The following HTT variants were observed in gnomAD, a reference collection of about 807,000 sequenced individuals.
HTT encodes huntington disease protein.
Under a neutral mutation model 362.3 loss-of-function variants are expected in HTT, and 104 were observed. That is an observed-to-expected ratio of 0.29 (90% CI 0.24 to 0.34). The LOEUF (loss-of-function observed/expected upper bound fraction) is 0.34, where lower values mean the gene tolerates loss of function less well. HTT is among the 10% of genes least tolerant of loss of function. The pLI, the probability that HTT is intolerant of heterozygous loss-of-function variation, is 1.00. For missense variants in HTT, 3,301 were observed against 3,928.6 expected, an observed-to-expected ratio of 0.84 and a Z score of 4.27; for synonymous variants, 1,577 against 1,548.7, an observed-to-expected ratio of 1.02 and a Z score of -0.43.
intron 64 of HTT, among the ~76,000 whole-genome samples, chr4:3,237,655 C>T (rs1473676939): frequency 6.6e-6 from 1 of 152,216 alleles, no homozygotes; most frequent in Non-Finnish European, 1.5e-5. Context: ...TGCCATGCCA[C>T]TGCTGGGCGA....
intron 46 of HTT, among the ~76,000 whole-genome samples, chr4:3,209,297 C>G (rs1720022584): frequency 6.6e-6 from 1 of 152,324 alleles, no homozygotes; most frequent in South Asian, 2.1e-4. Context: ...GTTGTCAGCA[C>G]CTCCACTGCT....
Position 3,218,179 on chromosome 4 carries a change from ATC to A in HTT, c.7242+228_7242+229del, listed in dbSNP as rs1720503842. Among the ~76,000 whole-genome samples the A allele has an allele frequency of 6.6e-6, 1 of 152,224 alleles. No individual in the cohort carries two copies. The highest frequency in any genetic ancestry group is 1.5e-5 in the Non-Finnish European group (1 of 68,040). On this transcript the variant is annotated intron_variant, in intron 52 of 66. Transcript: ENST00000355072. This position sits in a 1 kb window ranked among gnomAD's most constrained non-coding sequence, Gnocchi z 4.4. ...TTTCTAAAATGAACTGAGGCCCTAC[ATC>A]CCTAAGAGATTAGTGTTAGACCTGA...
rs1475222604 is a variant in HTT, at chr4:3,140,493, C to T, written c.2799-17C>T. 2.5e-6 allele frequency: 4 copies of T among 1,613,144 alleles called. No homozygotes were observed. Among genetic ancestry groups the T allele is most frequent in the South Asian group, 1.1e-5 (1 of 90,954 alleles). ...TCATCTACTTTCTTAAGCAAATTAA[C>T]CTTACTTTTGTGTTAGGCTTGTCCC... On this transcript the variant is annotated splice_polypyrimidine_tract_variant and intron_variant, in intron 21 of 66. Transcript: ENST00000355072.
chr4:3,169,664 C>G (rs763666827), intron 29 of HTT, among the ~76,000 whole-genome samples: 1 of 152,000 alleles, frequency 6.6e-6, no homozygotes, highest in Admixed American at 6.6e-5. Flanking sequence ...ACCTCCACCT[C>G]CCAGGCTCAA....
At chr4:3,142,313 A>C (rs980032799) in intron 22 of HTT, among the ~76,000 whole-genome samples, 1 of 152,208 alleles carries the variant, frequency 6.6e-6, no homozygotes, top group Non-Finnish European at 1.5e-5. Flanking sequence ...TAATTCATTT[A>C]TAATTTATTT....
intron 2 of HTT, among the ~76,000 whole-genome samples, chr4:3,087,311 A>G (rs912087492): frequency 2.0e-5 from 3 of 152,340 alleles, no homozygotes; most frequent in Admixed American, 2.0e-4. Flanking sequence ...TTATTTTAAA[A>G]CCATCTATGG....
chr4:3,134,363 T>C (rs1178093791), intron 18 of HTT, 38 bp from the exon 19 acceptor site: 6 of 1,598,200 alleles, frequency 3.8e-6, no homozygotes, highest in Non-Finnish European at 4.3e-6. Context: ...TGAGTGGGAC[T>C]AACCTGCTGT....
At chr4:3,122,349 G>A (rs746477033) in intron 9 of HTT, among the ~76,000 whole-genome samples, 4 of 152,244 alleles carry the variant, frequency 2.6e-5, no homozygotes, top group South Asian at 2.1e-4. Context: ...CCACTGCAAC[G>A]TGGTCGGTGT....
intron 28 of HTT, among the ~76,000 whole-genome samples, chr4:3,159,873 A>G (rs775428143): frequency 2.0e-5 from 3 of 152,156 alleles, no homozygotes; most frequent in Non-Finnish European, 4.4e-5. Context: ...AATTGAACCA[A>G]CCCTATGTGA....
intron 56 of HTT, among the ~76,000 whole-genome samples, chr4:3,224,460 A>C (rs190987317): frequency 8.3e-4 from 126 of 152,368 alleles, no homozygotes; most frequent in Non-Finnish European, 1.4e-3. Context: ...ACACAAGCTG[A>C]ATCTCCAGCT....
intron 49 of HTT, chr4:3,212,957 G>A (rs1352518846): frequency 6.6e-6 from 3 of 455,586 alleles, no homozygotes; most frequent in African/African-American, 5.9e-5. Flanking sequence ...TACCATGTTA[G>A]GTGGATCCTA....
chr4:3,091,017 C>T (rs2110146294), intron 2 of HTT, among the ~76,000 whole-genome samples: 1 of 152,302 alleles, frequency 6.6e-6, no homozygotes, highest in Non-Finnish European at 1.5e-5. Context: ...GAGGCTGAGG[C>T]AGGAGAATTG....
chr4:3,186,487 T>C, intron 37 of HTT, 110 bp from the exon 38 acceptor site: 1 of 1,212,534 alleles, frequency 8.2e-7, no homozygotes. Context: ...TGAGGGAAGG[T>C]GACGATGAGA....
chr4:3,088,441 T>A (rs919845617), intron 2 of HTT, among the ~76,000 whole-genome samples: 1 of 152,194 alleles, frequency 6.6e-6, no homozygotes, highest in Non-Finnish European at 1.5e-5. Context: ...CCCAAAGTGC[T>A]GGGATTACAG....
At position 3,187,766 on chromosome 4, in the gene HTT, C is replaced by T; in HGVS notation, c.5105C>T (p.Ser1702Phe). The T allele has an allele frequency of 6.2e-7, 1 of 1,613,208 alleles. No individual in the cohort carries two copies. Among genetic ancestry groups the T allele is most frequent in the Non-Finnish European group, 8.5e-7 (1 of 1,179,142 alleles). ...TCTCGTATTCAGGAGCTCTCCTTCT[C>T]TCCGTATTTAATCTCCTGTACAGTA... is the stretch of plus-strand genomic sequence containing the variant. ...VLSRIQELSF[S>F]PYLISCTVIN... is the part of the protein sequence containing the mutation. The change falls in exon 39 of 67, where the codon TCT (serine) becomes TTT (phenylalanine). Residue 1702 changes from serine (S) to phenylalanine (F), a missense_variant. Transcript: ENST00000355072.
chr4:3,223,844 C>A, intron 55 of HTT, 148 bp from the exon 56 acceptor site: 2 of 792,670 alleles, frequency 2.5e-6, no homozygotes, highest in Non-Finnish European at 4.1e-6. Context: ...CACTTAAGGG[C>A]TCACGGACAG....
intron 48 of HTT, 62 bp from the exon 49 acceptor site, chr4:3,212,502 C>A: frequency 6.4e-7 from 1 of 1,566,742 alleles, no homozygotes; most frequent in Non-Finnish European, 8.7e-7. Flanking sequence ...GCTTGACTGC[C>A]TTTCGAAGTT....
chr4:3,165,557 G>T (rs1472078411), intron 29 of HTT, among the ~76,000 whole-genome samples: 1 of 152,060 alleles, frequency 6.6e-6, no homozygotes, highest in African/African-American at 2.4e-5. Flanking sequence ...CCAATCAAAC[G>T]TAGATTTGGT....
intron 36 of HTT, among the ~76,000 whole-genome samples, chr4:3,181,296 T>G (rs1385142710): frequency 6.6e-6 from 1 of 152,208 alleles, no homozygotes; most frequent in African/African-American, 2.4e-5. Flanking sequence ...GGACCAAAAA[T>G]CAATTGACAG....
Sources: gnomAD v4.1 joint callset for allele counts (sites outside exome capture counted in the v4.1 genomes callset) on GRCh38, gnomAD v4.1.1 for gene constraint, Gnocchi (gnomAD v3.1) non-coding constraint, MANE v1.5 for transcripts, NCBI Gene and HGNC (gene_info 2026-07-23, HGNC 2026-07-21) for gene names.